Variants in TANGO6 observed in about 807,000 individuals in gnomAD.
The protein encoded by TANGO6 is transport and Golgi organization protein 6 homolog.
In TANGO6, 90 loss-of-function variants were observed where a neutral mutation model predicts 114.2. That is an observed-to-expected ratio of 0.79 (90% CI 0.66 to 0.94). The LOEUF (loss-of-function observed/expected upper bound fraction) is 0.94, where lower values mean the gene tolerates loss of function less well. TANGO6 is among the 40% of genes least tolerant of loss of function. The pLI, the probability that TANGO6 is intolerant of heterozygous loss-of-function variation, is 0.00. For synonymous variants in TANGO6, 477 were observed against 509.8 expected (o/e 0.94, Z 0.87); for missense variants, 1,274 against 1,315.3 (o/e 0.97, Z 0.49).
At chr16:68,985,778 A>G (rs1319535429) in intron 15 of TANGO6, among the ~76,000 whole-genome samples, 1 of 152,232 alleles carries the variant, frequency 6.6e-6, no homozygotes, top group Non-Finnish European at 1.5e-5. Flanking sequence ...CCAGAAATGT[A>G]CAGTCTTTTC....
Position 69,009,793 on chromosome 16 carries a change from T to C in TANGO6, c.2843-13035T>C, listed in dbSNP as rs1473782400. Among the ~76,000 whole-genome samples the C allele has an allele frequency of 3.3e-5, 5 of 152,258 alleles. No individual in the cohort carries two copies. In the East Asian group the frequency reaches 7.7e-4, roughly 23 times the overall value. ...TCCTATCTTATTCTTTTCAATGCAA[T>C]TGCAAATGGAATTATTTTCTTATTC... is the stretch of plus-strand genomic sequence containing the variant. On this transcript the variant is annotated intron_variant, in intron 15 of 17. Coordinates refer to ENST00000261778, the MANE Select transcript of TANGO6 (RefSeq NM_024562.2).
chr16:68,849,019 C>T (rs59559079), intron 1 of TANGO6, among the ~76,000 whole-genome samples: 16,732 of 152,060 alleles, frequency 0.11, 936 homozygotes, highest in Non-Finnish European at 0.13. Flanking sequence ...AACCGCAATG[C>T]GGACACAGGA....
intron 7 of TANGO6, among the ~76,000 whole-genome samples, chr16:68,885,840 T>G (rs1040785777): frequency 6.6e-6 from 1 of 152,264 alleles, no homozygotes; most frequent in Admixed American, 6.5e-5. Flanking sequence ...ATAATGCTGC[T>G]ATAAACATTG....
chr16:68,859,916 C>T lies in TANGO6; in HGVS notation c.127C>T (p.His43Tyr). 1 of 1,597,634 alleles carries T rather than the reference C, an allele frequency of 6.3e-7. No homozygotes were observed. Among genetic ancestry groups the T allele is most frequent in the Non-Finnish European group, 8.5e-7 (1 of 1,171,472 alleles). The change falls in exon 2 of 18, where the codon CAT (histidine) becomes TAT (tyrosine). Residue 43 changes from histidine (H) to tyrosine (Y), a missense_variant. Coordinates refer to ENST00000261778, the MANE Select transcript of TANGO6 (RefSeq NM_024562.2). ...SGSSSLQVTK[H>Y]DVLLATLKSN... ...CTCAAGTTCACTACAGGTCACAAAA[C>T]ATGATGTCTTGTTGGCTACTTTAAA...
chr16:68,977,031 C>G (rs969804355), intron 15 of TANGO6, among the ~76,000 whole-genome samples: 1 of 152,094 alleles, frequency 6.6e-6, no homozygotes, highest in Non-Finnish European at 1.5e-5. Context: ...AAATTTTACT[C>G]TTTATCTGGT....
chr16:68,852,969 A>G (rs1961929506), intron 1 of TANGO6, among the ~76,000 whole-genome samples: 3 of 152,170 alleles, frequency 2.0e-5, no homozygotes. Flanking sequence ...GCATCAACTC[A>G]TGTTTTCTCT....
chr16:69,006,623 C>G (rs573069039), intron 15 of TANGO6, among the ~76,000 whole-genome samples: 1 of 151,850 alleles, frequency 6.6e-6, no homozygotes, highest in Admixed American at 6.6e-5. Context: ...TGGTGGCACG[C>G]GCCTGTAATC....
intron 17 of TANGO6, among the ~76,000 whole-genome samples, chr16:69,053,033 G>A (rs1159333404): frequency 1.3e-5 from 2 of 151,996 alleles, no homozygotes; most frequent in Admixed American, 6.6e-5. Context: ...GCTTGAATTC[G>A]GGAGGCAGAG....
chr16:68,887,902 C>A (rs186776016), intron 7 of TANGO6, among the ~76,000 whole-genome samples: 52 of 152,012 alleles, frequency 3.4e-4, no homozygotes, highest in African/African-American at 1.0e-3. Flanking sequence ...ACAACAACAA[C>A]AAAAAAGAGT....
rs1048009506 is a variant in TANGO6, at chr16:69,046,478, G to A, written c.3108+6057G>A. ...GGATTACAGGTATGTGCCACCACAC[G>A]TGGCTAATTTTGTATTTTTAGTAGA... On this transcript the variant is annotated intron_variant, in intron 17 of 17. Coordinates refer to ENST00000261778, the MANE Select transcript of TANGO6 (RefSeq NM_024562.2). 2.6e-5 allele frequency among the ~76,000 whole-genome samples: 4 copies of A among 152,022 alleles called. No homozygotes were observed. The East Asian group carries it at 7.8e-4, about 29-fold the overall frequency.
intron 17 of TANGO6, among the ~76,000 whole-genome samples, chr16:69,051,877 A>G (rs570795768): frequency 1.3e-5 from 2 of 151,014 alleles, no homozygotes; most frequent in South Asian, 2.1e-4. Context: ...TATTTTTTCC[A>G]TATTTACAGA....
chr16:68,874,922 C>T (rs1414871670), intron 4 of TANGO6, among the ~76,000 whole-genome samples: 5 of 151,802 alleles, frequency 3.3e-5, no homozygotes, highest in Admixed American at 2.6e-4. Flanking sequence ...TACATTCCAG[C>T]CTGGGTGACA....
chr16:69,071,782 A>G (rs535836695), intron 17 of TANGO6, among the ~76,000 whole-genome samples: 1 of 152,312 alleles, frequency 6.6e-6, no homozygotes, highest in African/African-American at 2.4e-5. Flanking sequence ...CCACTCCGCA[A>G]ATGTTCCAGG....
intron 15 of TANGO6, among the ~76,000 whole-genome samples, chr16:68,990,020 C>A (rs919831027): frequency 1.3e-5 from 2 of 152,124 alleles, no homozygotes; most frequent in Non-Finnish European, 2.9e-5. Flanking sequence ...AAATCTTATT[C>A]TCTCTCTTTT....
At chr16:69,077,271 G>C (rs1164576911) in intron 17 of TANGO6, among the ~76,000 whole-genome samples, 2 of 151,764 alleles carry the variant, frequency 1.3e-5, no homozygotes, top group Non-Finnish European at 2.9e-5. Context: ...ACCCAGGCTG[G>C]AAGAATTTTA....
chr16:68,936,500 T>G (rs1482594711), intron 14 of TANGO6, among the ~76,000 whole-genome samples: 1 of 152,016 alleles, frequency 6.6e-6, no homozygotes, highest in Non-Finnish European at 1.5e-5. Flanking sequence ...GCCCGGCTAA[T>G]TTTTTTGAAT....
intron 17 of TANGO6, 21 bp downstream of exon 17, chr16:69,040,442 T>C: frequency 6.4e-7 from 1 of 1,554,984 alleles, no homozygotes; most frequent in Non-Finnish European, 8.7e-7. Context: ...CTCTCGCCCT[T>C]TGCAATTTCT....
chr16:68,917,375 G>C (rs1359375237), intron 11 of TANGO6, among the ~76,000 whole-genome samples: 1 of 152,142 alleles, frequency 6.6e-6, no homozygotes, highest in Non-Finnish European at 1.5e-5. Flanking sequence ...ACCATGTGCA[G>C]GTTTTTGTGT....
chr16:68,995,022 TTCTTGGTAGG>T (rs1239388997), intron 15 of TANGO6, among the ~76,000 whole-genome samples: 5 of 152,238 alleles, frequency 3.3e-5, no homozygotes, highest in Non-Finnish European at 7.3e-5. Flanking sequence ...CTTTAAAACA[TTCTTGGTAGG>T]TTACTTACAC....
Sources: gnomAD v4.1 joint callset for allele counts (sites outside exome capture counted in the v4.1 genomes callset) on GRCh38, gnomAD v4.1.1 for gene constraint, MANE v1.5 for transcripts, NCBI Gene and HGNC (gene_info 2026-07-23, HGNC 2026-07-21) for gene names.